TUBGCP3: variants seen among roughly 807,000 people sequenced by gnomAD.
TUBGCP3 encodes tubulin gamma complex component 3, also known as gamma-tubulin complex component 3.
A neutral mutation model predicts 123.1 loss-of-function variants in TUBGCP3; 50 were observed. That is an observed-to-expected ratio of 0.41 (90% CI 0.32 to 0.51). The LOEUF (loss-of-function observed/expected upper bound fraction) is 0.51, where lower values mean the gene tolerates loss of function less well. TUBGCP3 is among the 20% of genes least tolerant of loss of function. The pLI is 0.36. For missense variants in TUBGCP3, 882 were observed against 1,127.0 expected (o/e 0.78, Z 3.11); for synonymous variants, 405 against 413.9 (o/e 0.98, Z 0.26).
At chr13:112,569,339 T>C in intron 1 of TUBGCP3, 80 bp from the exon 2 acceptor site, 1 of 1,285,996 alleles carries the variant, frequency 7.8e-7, no homozygotes, top group Non-Finnish European at 1.1e-6. Context: ...TTCAAGACAG[T>C]GAACTAGTAA....
At chr13:112,523,715 C>A (rs952776693) in intron 13 of TUBGCP3, among the ~76,000 whole-genome samples, 2 of 152,178 alleles carry the variant, frequency 1.3e-5, no homozygotes, top group Admixed American at 6.5e-5. Flanking sequence ...CCCAAAGCAG[C>A]CTATGAAGAC....
chr13:112,520,827 G>A (rs1257581431), intron 14 of TUBGCP3, among the ~76,000 whole-genome samples: 1 of 152,178 alleles, frequency 6.6e-6, no homozygotes, highest in Non-Finnish European at 1.5e-5. Context: ...CTAATCGGGG[G>A]TGACCAAGTT....
chr13:112,524,119 G>T lies in TUBGCP3; in HGVS notation c.1556-1610C>A, dbSNP rs765281934. On this transcript the variant is annotated intron_variant, in intron 13 of 21. Coordinates refer to ENST00000261965, the MANE Select transcript of TUBGCP3 (RefSeq NM_006322.6). This position sits in a 1 kb window ranked among gnomAD's most constrained non-coding sequence, Gnocchi z 4.4. ...ACCCCCACAGACACCAAAATTCCCT[G>T]ATGCTCAAGTCTCTTCTACAAAATG... Among the ~76,000 whole-genome samples the T allele has an allele frequency of 2.6e-5, 4 of 152,130 alleles. No individual in the cohort carries two copies. Among genetic ancestry groups the T allele is most frequent in the Non-Finnish European group, 2.9e-5 (2 of 68,042 alleles).
At chr13:112,517,537 T>C (rs1309166918) in intron 16 of TUBGCP3, among the ~76,000 whole-genome samples, 2 of 152,224 alleles carry the variant, frequency 1.3e-5, no homozygotes, top group Admixed American at 6.5e-5. Flanking sequence ...TTTTATGCTA[T>C]GAAAATAATA....
intron 1 of TUBGCP3, among the ~76,000 whole-genome samples, chr13:112,574,847 T>G (rs1881688026): frequency 6.6e-6 from 1 of 152,212 alleles, no homozygotes; most frequent in South Asian, 2.1e-4. Flanking sequence ...CTGCACCAGC[T>G]GGGGCTGGGT....
chr13:112,505,455 G>A (rs554927006), intron 17 of TUBGCP3, among the ~76,000 whole-genome samples: 10 of 152,226 alleles, frequency 6.6e-5, no homozygotes, highest in African/African-American at 1.9e-4. Flanking sequence ...CCTCGATAAC[G>A]AGATCAAGAC....
intron 14 of TUBGCP3, among the ~76,000 whole-genome samples, chr13:112,521,290 G>A (rs1876601247): frequency 6.6e-6 from 1 of 152,216 alleles, no homozygotes; most frequent in Admixed American, 6.5e-5. Context: ...CTATGACTAA[G>A]GCATGAGCAT....
At chr13:112,550,641 G>A (rs1020891019) in intron 8 of TUBGCP3, among the ~76,000 whole-genome samples, 2 of 152,226 alleles carry the variant, frequency 1.3e-5, no homozygotes, top group African/African-American at 4.8e-5. Flanking sequence ...CACAGTGTGG[G>A]CACAAAGGTG....
the TUBGCP3 span, among the ~76,000 whole-genome samples, chr13:112,595,966 T>C: frequency 6.6e-6 from 1 of 152,236 alleles, no homozygotes; most frequent in African/African-American, 2.4e-5. Flanking sequence ...TGCATCTTTT[T>C]TGAGGAGTTT....
At chr13:112,498,376 A>G (rs530354940) in intron 20 of TUBGCP3, among the ~76,000 whole-genome samples, 2 of 152,320 alleles carry the variant, frequency 1.3e-5, no homozygotes, top group East Asian at 1.9e-4. Context: ...TGCTTCATAC[A>G]CACCTTAAAT....
chr13:112,487,590 G>A (rs1221104443), intron 21 of TUBGCP3, among the ~76,000 whole-genome samples: 5 of 152,108 alleles, frequency 3.3e-5, no homozygotes, highest in Admixed American at 6.5e-5. Flanking sequence ...GAATCATATG[G>A]ATCTAACCAT....
At chr13:112,539,261 G>C (rs577935168) in intron 11 of TUBGCP3, among the ~76,000 whole-genome samples, 1 of 152,156 alleles carries the variant, frequency 6.6e-6, no homozygotes. Context: ...AGAGGTGAAG[G>C]TATTTGCCCA....
intron 1 of TUBGCP3, among the ~76,000 whole-genome samples, chr13:112,583,054 G>A (rs1382368696): frequency 6.6e-6 from 1 of 152,136 alleles, no homozygotes; most frequent in Non-Finnish European, 1.5e-5. Context: ...ATCAGAACTT[G>A]GGTTCCAACC....
intron 21 of TUBGCP3, among the ~76,000 whole-genome samples, chr13:112,488,069 T>C (rs1378568810): frequency 6.7e-6 from 1 of 150,042 alleles, no homozygotes; most frequent in Non-Finnish European, 1.5e-5. Flanking sequence ...GAGACGGGGA[T>C]TGCAGTGAGC....
intron 11 of TUBGCP3, among the ~76,000 whole-genome samples, chr13:112,544,184 T>C (rs1212408391): frequency 3.3e-5 from 5 of 151,938 alleles, no homozygotes; most frequent in African/African-American, 1.2e-4. Flanking sequence ...CCGGGCGCAG[T>C]GGCTCACGCC....
intron 17 of TUBGCP3, among the ~76,000 whole-genome samples, chr13:112,507,847 A>T (rs1337617811): frequency 6.6e-6 from 1 of 152,172 alleles, no homozygotes; most frequent in Non-Finnish European, 1.5e-5. Context: ...CACAGTGATT[A>T]GTGATTAAAT....
chr13:112,489,180 G>T (rs1280756071), intron 21 of TUBGCP3, among the ~76,000 whole-genome samples: 3 of 150,788 alleles, frequency 2.0e-5, no homozygotes, highest in Non-Finnish European at 3.0e-5. Flanking sequence ...CACCACAGGG[G>T]AGCACAGGGG....
rs913381165 is a variant in TUBGCP3, at chr13:112,485,367, A to C, written c.*626T>G. 6.6e-6 allele frequency: 1 copy of C among 152,604 alleles called. No homozygotes were observed. Among genetic ancestry groups the C allele is most frequent in the South Asian group, 2.1e-4 (1 of 4,828 alleles). 9.5% of individuals were successfully genotyped at this position (152,604 alleles called of 1,614,324 possible). A position where few individuals can be genotyped will look rare whatever the true frequency, so the allele number is the denominator to read the frequency against. On this transcript the variant is annotated 3_prime_UTR_variant, in exon 22 of 22. Coordinates refer to ENST00000261965, the MANE Select transcript of TUBGCP3 (RefSeq NM_006322.6). ...TACTTTTTTCTATACTATTTTAAAA[A>C]TCTGAAATAGTAAATTAAATATAAA...
the TUBGCP3 span, among the ~76,000 whole-genome samples, chr13:112,598,945 C>CAAA: frequency 5.4e-4 from 39 of 71,600 alleles, 1 homozygote; most frequent in African/African-American, 2.3e-3. Context: ...GACTCCGTCT[C>CAAA]AAAAAAAAAA....
Sources: allele counts gnomAD v4.1 joint callset (sites outside exome capture counted in the v4.1 genomes callset), GRCh38; gene constraint gnomAD v4.1.1; non-coding constraint Gnocchi (gnomAD v3.1); transcripts MANE v1.5; gene names NCBI Gene and HGNC (gene_info 2026-07-23, HGNC 2026-07-21).